The following SESN1 variants were observed in gnomAD, a reference collection of about 807,000 sequenced individuals.
The protein encoded by SESN1 is sestrin-1.
A neutral mutation model predicts 59.3 loss-of-function variants in SESN1; 30 were observed. The observed-to-expected ratio is 0.51, with a 90% CI of 0.38 to 0.69. The LOEUF (loss-of-function observed/expected upper bound fraction) is 0.69. SESN1 is among the 30% of genes least tolerant of loss of function. SESN1 has a pLI of 0.00. For synonymous variants in SESN1, 197 were observed against 219.9 expected, an observed-to-expected ratio of 0.90 and a Z score of 0.92; for missense variants, 566 against 673.0, an observed-to-expected ratio of 0.84 and a Z score of 1.76.
chr6:109,073,946 C>T (rs935761118), intron 1 of SESN1, among the ~76,000 whole-genome samples: 1 of 152,180 alleles, frequency 6.6e-6, no homozygotes. Context: ...GAGAGATAAC[C>T]GCTATTAGTA....
intron 1 of SESN1, among the ~76,000 whole-genome samples, chr6:109,002,952 G>A (rs1300331170): frequency 1.8e-4 from 27 of 152,062 alleles, no homozygotes; most frequent in Admixed American, 1.8e-3. Flanking sequence ...TTATTTACAG[G>A]ATGTCATCAA....
intron 1 of SESN1, chr6:109,059,523 C>A (rs1382790314): frequency 2.6e-5 from 4 of 151,980 alleles, no homozygotes; most frequent in Non-Finnish European, 5.9e-5. Flanking sequence ...ATATGGAACG[C>A]TTTACAAATT....
chr6:109,082,924 A>G (rs531731203), intron 1 of SESN1, among the ~76,000 whole-genome samples: 1 of 152,306 alleles, frequency 6.6e-6, no homozygotes, highest in Non-Finnish European at 1.5e-5. Flanking sequence ...TCACCATCAC[A>G]ATCATCACCA....
intron 1 of SESN1, among the ~76,000 whole-genome samples, chr6:109,083,878 G>A (rs923155100): frequency 6.6e-6 from 1 of 152,162 alleles, no homozygotes; most frequent in African/African-American, 2.4e-5. Flanking sequence ...AAATTACTCA[G>A]TTATAATTAT....
Position 108,986,779 on chromosome 6 carries a change from G to GTGTC in SESN1, c.*761_*764dup, listed in dbSNP as rs1779209079. On this transcript the variant is annotated 3_prime_UTR_variant, in exon 10 of 10. Coordinates refer to ENST00000436639, the MANE Select transcript of SESN1 (RefSeq NM_014454.3). Reference sequence around the variant, plus strand: ...TAATGCACAAGACAGCTGCCCTCCAGTGTCAGGATCCTGTGAAACAGCATA... The same window carrying GTGTC: ...TAATGCACAAGACAGCTGCCCTCCAGTGTCTGTCAGGATCCTGTGAAACAGCATA... The GTGTC allele has an allele frequency of 6.6e-6, 1 of 152,204 alleles. No homozygotes were observed. Among genetic ancestry groups the GTGTC allele is most frequent in the African/African-American group, 2.4e-5 (1 of 41,450 alleles). 9.4% of individuals were successfully genotyped at this position (152,204 alleles called of 1,614,324 possible).
At chr6:109,030,364 A>G (rs1011498987) in intron 1 of SESN1, among the ~76,000 whole-genome samples, 1 of 152,250 alleles carries the variant, frequency 6.6e-6, no homozygotes, top group African/African-American at 2.4e-5. Flanking sequence ...TGTCCAGAGC[A>G]TTTATGTAAA....
chr6:109,000,025 G>C (rs1336456974), intron 4 of SESN1: 1 of 152,184 alleles, frequency 6.6e-6, no homozygotes, highest in African/African-American at 2.4e-5. Flanking sequence ...GATGAAAGAA[G>C]CCAGTCTGAA....
intron 1 of SESN1, among the ~76,000 whole-genome samples, chr6:109,066,056 G>A (rs1435128108): frequency 5.3e-5 from 8 of 151,982 alleles, no homozygotes; most frequent in African/African-American, 9.7e-5. Flanking sequence ...ATTATTAAAC[G>A]AATACAATAG....
chr6:109,094,031 T>C lies in SESN1; in HGVS notation c.43A>G (p.Ser15Gly). ...GTCTCCCTAGTAGTTGAATCTCTGC[T>C]GCAGAGTCCATCCCATCTCACTTCA... ...ENEVRWDGLC[S>G]RDSTTRETAL... Residue 15 changes from serine (S) to glycine (G), a missense_variant, in exon 1 of 10, where the codon AGC becomes GGC. Ser to Gly is a moderately conservative substitution (Grantham distance 56). Transcript: ENST00000436639. 4 of 1,614,220 alleles carry C rather than the reference T, an allele frequency of 2.5e-6. No homozygotes were observed. The highest frequency in any genetic ancestry group is 3.4e-6 in the Non-Finnish European group (4 of 1,180,034).
At chr6:109,052,616 T>C (rs1374492351) in intron 1 of SESN1, among the ~76,000 whole-genome samples, 1 of 152,228 alleles carries the variant, frequency 6.6e-6, no homozygotes, top group East Asian at 1.9e-4. Flanking sequence ...AAATGTTATA[T>C]TTAAACATTC....
intron 1 of SESN1, among the ~76,000 whole-genome samples, chr6:109,075,689 T>C (rs1366043489): frequency 2.0e-5 from 3 of 152,314 alleles, no homozygotes; most frequent in Admixed American, 2.0e-4. Flanking sequence ...GATACTGTAA[T>C]TGCAGCTTTA....
intron 1 of SESN1, among the ~76,000 whole-genome samples, chr6:109,093,504 GA>G (rs201096524): frequency 8.1e-5 from 12 of 148,352 alleles, no homozygotes; most frequent in African/African-American, 2.2e-4. Flanking sequence ...GTGACAATGT[GA>G]AAAAAAAACA....
intron 5 of SESN1, among the ~76,000 whole-genome samples, chr6:108,997,277 T>C (rs1255507054): frequency 6.6e-6 from 1 of 152,230 alleles, no homozygotes; most frequent in Non-Finnish European, 1.5e-5. Context: ...AAGTACTTTT[T>C]TCTTTAGCCT....
intron 1 of SESN1, among the ~76,000 whole-genome samples, chr6:109,076,714 T>C (rs986669810): frequency 6.6e-6 from 1 of 152,184 alleles, no homozygotes; most frequent in Admixed American, 6.5e-5. Context: ...ATGTTTGGGA[T>C]AGAGGCAGTG....
At chr6:109,009,003 G>A (rs1407119745) in intron 1 of SESN1, 5 of 1,023,736 alleles carry the variant, frequency 4.9e-6, no homozygotes, top group Non-Finnish European at 5.9e-6. Flanking sequence ...CAAGACTCGA[G>A]GTCTGCTGGA....
chr6:109,044,311 C>CAAAAAAAAAAAAAAAAAAAAA (rs71015570), intron 1 of SESN1, among the ~76,000 whole-genome samples: 2 of 28,460 alleles, frequency 7.0e-5, no homozygotes, highest in Non-Finnish European at 1.1e-4. Context: ...GAACTTGCCT[C>CAAAAAAAAAAAAAAAAAAAAA]AAAAAAAAAA....
intron 7 of SESN1, among the ~76,000 whole-genome samples, 153 bp from the exon 8 acceptor site, chr6:108,990,988 T>A (rs1431559164): frequency 6.6e-6 from 1 of 152,196 alleles, no homozygotes; most frequent in African/African-American, 2.4e-5. Context: ...CTCCAATCTT[T>A]TTTTCAATTC....
At chr6:109,028,998 GTTCAC>G (rs1400527182) in intron 1 of SESN1, among the ~76,000 whole-genome samples, 1 of 152,124 alleles carries the variant, frequency 6.6e-6, no homozygotes, top group Non-Finnish European at 1.5e-5. Flanking sequence ...AGTCTAAATT[GTTCAC>G]TTCATAAGTA....
At chr6:109,044,156 A>T (rs1316202107) in intron 1 of SESN1, among the ~76,000 whole-genome samples, 1 of 148,580 alleles carries the variant, frequency 6.7e-6, no homozygotes, top group African/African-American at 2.5e-5. Flanking sequence ...TACTACAAAT[A>T]AAAAAAAAAT....
Sources: gnomAD v4.1 joint callset for allele counts (sites outside exome capture counted in the v4.1 genomes callset) on GRCh38, gnomAD v4.1.1 for gene constraint, MANE v1.5 for transcripts, NCBI Gene and HGNC (gene_info 2026-07-23, HGNC 2026-07-21) for gene names.